WDFY3: variants seen among roughly 807,000 people sequenced by gnomAD.
WDFY3 encodes the protein WD repeat and FYVE domain-containing protein 3.
WDFY3 carries 66 observed loss-of-function variants against 409.6 expected under a neutral mutation model. That is an observed-to-expected ratio of 0.16 (90% CI 0.13 to 0.20). The LOEUF (loss-of-function observed/expected upper bound fraction) is 0.20, where lower values mean the gene tolerates loss of function less well. Among genes scored for constraint, WDFY3 ranks in the 10% least tolerant of loss-of-function variants. The probability of loss-of-function intolerance (pLI) is 1.00; values close to 1 mark genes in which losing one functional copy is unlikely to be tolerated. For synonymous variants in WDFY3, 1,521 were observed against 1,537.1 expected, an observed-to-expected ratio of 0.99 and a Z score of 0.25; for missense variants, 3,031 against 4,298.1, an observed-to-expected ratio of 0.71 and a Z score of 8.24.
chr4:84,819,586 T>C (rs1753783557), intron 12 of WDFY3, among the ~76,000 whole-genome samples: 1 of 152,008 alleles, frequency 6.6e-6, no homozygotes, highest in Non-Finnish European at 1.5e-5. Context: ...TAATGACAGG[T>C]AGAAAAGTAT....
intron 22 of WDFY3, among the ~76,000 whole-genome samples, chr4:84,789,157 G>C (rs572856654): frequency 3.4e-4 from 52 of 152,184 alleles, no homozygotes; most frequent in African/African-American, 1.2e-3. Flanking sequence ...TCAGAAAAAG[G>C]GAGTTTCACT....
Position 84,724,457 on chromosome 4 carries a change from C to G in WDFY3, c.7410G>C (p.Glu2470Asp). The change falls in exon 46 of 68, where the codon GAG (glutamate) becomes GAC (aspartate). Residue 2470 changes from glutamate (E) to aspartate (D), a missense_variant. Coordinates refer to ENST00000295888, the MANE Select transcript of WDFY3 (RefSeq NM_014991.6). ...CTTTAGCAATAGTGTCTTCCCCATG[C>G]TCTGGTTCTTGCTGAGCAGCTTCAC... ...SEGEAAQQEP[E>D]HGEDTIAKVK... The G allele has an allele frequency of 6.2e-7, 1 of 1,613,626 alleles. No homozygotes were observed. Among genetic ancestry groups the G allele is most frequent in the Non-Finnish European group, 8.5e-7 (1 of 1,179,828 alleles).
At chr4:84,798,930 A>C (rs1405500845) in intron 17 of WDFY3, among the ~76,000 whole-genome samples, 2 of 152,112 alleles carry the variant, frequency 1.3e-5, no homozygotes, top group Non-Finnish European at 2.9e-5. Flanking sequence ...ATTCAGTACC[A>C]TACATGAGAT....
At chr4:84,897,508 G>A (rs1057472952) in intron 2 of WDFY3, among the ~76,000 whole-genome samples, 2 of 151,920 alleles carry the variant, frequency 1.3e-5, no homozygotes, top group African/African-American at 2.4e-5. Flanking sequence ...TCAGCCTCCC[G>A]AGTAGCTGGG....
At chr4:84,716,632 T>TA (rs1317677177) in intron 49 of WDFY3, among the ~76,000 whole-genome samples, 2 of 146,796 alleles carry the variant, frequency 1.4e-5, no homozygotes, top group African/African-American at 5.0e-5. Context: ...CCGTCTCTAC[T>TA]AAAAAAATAC....
intron 39 of WDFY3, among the ~76,000 whole-genome samples, chr4:84,739,801 C>A (rs905354105): frequency 6.6e-6 from 1 of 152,136 alleles, no homozygotes; most frequent in East Asian, 1.9e-4. Flanking sequence ...CCCCGGCAGA[C>A]TCTAATGAAA....
intron 4 of WDFY3, among the ~76,000 whole-genome samples, chr4:84,853,041 G>A (rs902412927): frequency 2.0e-5 from 3 of 152,084 alleles, no homozygotes; most frequent in African/African-American, 4.8e-5. Flanking sequence ...ATACAGGCAT[G>A]AGCCACTGTG....
chr4:84,841,743 TA>T (rs1247401738), intron 5 of WDFY3, among the ~76,000 whole-genome samples: 2 of 152,178 alleles, frequency 1.3e-5, no homozygotes, highest in Non-Finnish European at 2.9e-5. Flanking sequence ...AGTAGTGATT[TA>T]AAAAATAGAG....
chr4:84,866,337 G>A (rs1470531817), intron 3 of WDFY3, among the ~76,000 whole-genome samples: 1 of 152,174 alleles, frequency 6.6e-6, no homozygotes, highest in East Asian at 1.9e-4. Flanking sequence ...GGGGGCAAGA[G>A]ATCTAAGGCC....
rs72664942 is a variant in WDFY3, at chr4:84,887,751, A to G, written c.-32+9160T>C. ...TAGCTAAAATTTGAATTCAAGACATATAAGTCCAAATCCAGTACTCTTTTA... is the reference window on the plus strand; with the variant it reads ...TAGCTAAAATTTGAATTCAAGACATGTAAGTCCAAATCCAGTACTCTTTTA... On this transcript the variant is annotated intron_variant, in intron 3 of 67. Coordinates refer to ENST00000295888, the MANE Select transcript of WDFY3 (RefSeq NM_014991.6). Among the ~76,000 whole-genome samples, 611 of 152,342 alleles carry G rather than the reference A, an allele frequency of 4.0e-3. 1 individual carries two copies. The highest frequency in any genetic ancestry group is 5.4e-3 in the Non-Finnish European group (368 of 68,032).
intron 32 of WDFY3, among the ~76,000 whole-genome samples, chr4:84,765,058 CACAA>C (rs1309525395): frequency 1.3e-5 from 2 of 152,102 alleles, no homozygotes; most frequent in African/African-American, 4.8e-5. Context: ...AGATCAGACA[CACAA>C]ACAATTAGAT....
At position 84,780,839 on chromosome 4, in the gene WDFY3, T is replaced by C. The variant is rs77030620; in HGVS notation, c.4175-541A>G. On this transcript the variant is annotated intron_variant, in intron 25 of 67. Transcript: ENST00000295888. Reference sequence around the variant, plus strand: ...GAAAAAAAGCTAATCTACATACTCTTAGAGAAGACTGGGTGTAGAGGAGTG... The same window carrying C: ...GAAAAAAAGCTAATCTACATACTCTCAGAGAAGACTGGGTGTAGAGGAGTG... Among the ~76,000 whole-genome samples the C allele has an allele frequency of 4.2e-3, 643 of 152,174 alleles. 2 individuals carry two copies. Among genetic ancestry groups the C allele is most frequent in the African/African-American group, 0.013 (559 of 41,530 alleles).
rs1196106885 is a variant in WDFY3, at chr4:84,679,064, C to G, written c.10002G>C (p.Trp3334Cys). Residue 3334 changes from tryptophan (W) to cysteine (C), a missense_variant, in exon 65 of 68, where the codon TGG (tryptophan) becomes TGC (cysteine). Coordinates refer to ENST00000295888, the MANE Select transcript of WDFY3 (RefSeq NM_014991.6). ...TCTCATCTAGACTGAGCTGGTCGGA[C>G]CAGCGTCTGGAGTCGTCAGAGCCAC... ...TDSGSDDSRRWSDQLSLDEKD... is the reference protein window; with the variant it reads ...TDSGSDDSRRCSDQLSLDEKD... 4 of 1,614,212 alleles carry G rather than the reference C, an allele frequency of 2.5e-6. No individual in the cohort carries two copies. The highest frequency in any genetic ancestry group is 1.3e-5 in the African/African-American group (1 of 75,038).
intron 13 of WDFY3, among the ~76,000 whole-genome samples, chr4:84,815,723 C>T (rs1276728526): frequency 1.3e-5 from 2 of 152,112 alleles, no homozygotes; most frequent in Non-Finnish European, 2.9e-5. Flanking sequence ...TTTCTCAGTG[C>T]TTCCTATCAG....
chr4:84,945,345 C>G (rs939036400), intron 1 of WDFY3, among the ~76,000 whole-genome samples: 1 of 152,154 alleles, frequency 6.6e-6, no homozygotes, highest in Admixed American at 6.5e-5. Flanking sequence ...TATAACAAAC[C>G]CTTTGCATTA....
At chr4:84,867,309 A>C (rs1424796347) in intron 3 of WDFY3, among the ~76,000 whole-genome samples, 1 of 152,244 alleles carries the variant, frequency 6.6e-6, no homozygotes, top group Admixed American at 6.5e-5. Context: ...ATTAAGGAAT[A>C]ATTTATTTCT....
At chr4:84,685,373 CT>C (rs1728139807) in intron 62 of WDFY3, among the ~76,000 whole-genome samples, 1 of 152,312 alleles carries the variant, frequency 6.6e-6, no homozygotes, top group African/African-American at 2.4e-5. Flanking sequence ...CTCCCACCCC[CT>C]AGCTCTTCTT....
chr4:84,884,504 T>C (rs1042719449), intron 3 of WDFY3, among the ~76,000 whole-genome samples: 2 of 152,080 alleles, frequency 1.3e-5, no homozygotes, highest in African/African-American at 4.8e-5. Context: ...AAAGAGACCC[T>C]GAAGAAATTA....
At chr4:84,724,346 G>C in intron 46 of WDFY3, 80 bp downstream of exon 46, 2 of 1,505,220 alleles carry the variant, frequency 1.3e-6, no homozygotes, top group Non-Finnish European at 1.8e-6. Context: ...ACTATTTATA[G>C]TTGCTCAAAT....
Sources: allele counts gnomAD v4.1 joint callset (sites outside exome capture counted in the v4.1 genomes callset), GRCh38; gene constraint gnomAD v4.1.1; transcripts MANE v1.5; gene names NCBI Gene and HGNC (gene_info 2026-07-23, HGNC 2026-07-21).